NOX3: variants seen among roughly 807,000 people sequenced by gnomAD.
The protein encoded by NOX3 is NADPH oxidase catalytic subunit-like 3.
A neutral mutation model predicts 76.7 loss-of-function variants in NOX3; 74 were observed. The observed-to-expected ratio is 0.96, with a 90% CI of 0.80 to 1.17. NOX3 has a LOEUF of 1.17. Among genes scored for constraint, NOX3 ranks in the 50% most tolerant of loss-of-function variants. The pLI is 0.00. For synonymous variants in NOX3, 263 were observed against 261.1 expected (o/e 1.01, Z -0.07); for missense variants, 695 against 703.3 (o/e 0.99, Z 0.13).
At chr6:155,429,103 C>T (rs1776798846) in intron 8 of NOX3, 56 bp from the exon 9 acceptor site, 2 of 1,437,884 alleles carry the variant, frequency 1.4e-6, no homozygotes, top group South Asian at 1.7e-5. Flanking sequence ...AAAGAAACAC[C>T]TTTCATTCCA....
At chr6:155,455,153 C>T in intron 1 of NOX3, 24 bp from the exon 2 acceptor site, 3 of 1,463,726 alleles carry the variant, frequency 2.0e-6, no homozygotes, top group Non-Finnish European at 2.9e-6. Context: ...GAAAGAGAAC[C>T]AATGATTACT....
chr6:155,432,525 T>C (rs1026446541), intron 7 of NOX3, among the ~76,000 whole-genome samples: 1 of 152,200 alleles, frequency 6.6e-6, no homozygotes. Context: ...GTCTCTTCTG[T>C]TGATGGGTCA....
At chr6:155,405,506 CT>C (rs1416431058) in intron 12 of NOX3, among the ~76,000 whole-genome samples, 1 of 152,178 alleles carries the variant, frequency 6.6e-6, no homozygotes, top group African/African-American at 2.4e-5. Flanking sequence ...AAATTCTCCC[CT>C]GAACGTTTGC....
chr6:155,413,764 GTTGGCA>G (rs1243492307), intron 10 of NOX3, among the ~76,000 whole-genome samples: 1 of 152,050 alleles, frequency 6.6e-6, no homozygotes, highest in African/African-American at 2.4e-5. Context: ...TCATCTCAGA[GTTGGCA>G]TTGGGCATAG....
intron 5 of NOX3, among the ~76,000 whole-genome samples, chr6:155,440,387 G>A (rs6932514): frequency 0.13 from 20,293 of 151,326 alleles, 1,592 homozygotes; most frequent in African/African-American, 0.2. Context: ...CTAAAATTTC[G>A]TAAAATACCA....
At chr6:155,450,964 T>G (rs1777131672) in intron 4 of NOX3, among the ~76,000 whole-genome samples, 1 of 152,130 alleles carries the variant, frequency 6.6e-6, no homozygotes, top group African/African-American at 2.4e-5. Flanking sequence ...GACAATAATC[T>G]GCACATCTCA....
intron 12 of NOX3, among the ~76,000 whole-genome samples, chr6:155,405,275 T>C (rs918577096): frequency 6.6e-6 from 1 of 152,026 alleles, no homozygotes; most frequent in Non-Finnish European, 1.5e-5. Flanking sequence ...ACAGAGAAAG[T>C]GGATGGAAAG....
rs75934606 is a variant in NOX3, at chr6:155,399,474, C to T, written c.1581-2512G>A. Among the ~76,000 whole-genome samples, 45 of 152,254 alleles carry T rather than the reference C, an allele frequency of 3.0e-4. 1 individual carries two copies. The East Asian group carries it at 7.7e-3, about 26-fold the overall frequency. On this transcript the variant is annotated intron_variant, in intron 12 of 13. Transcript: ENST00000159060. Reference sequence around the variant, plus strand: ...CCACACTTTACTCAGGGGCCATATCCGCCGTGGTGATGCAATCACCAAAAA... The same window carrying T: ...CCACACTTTACTCAGGGGCCATATCTGCCGTGGTGATGCAATCACCAAAAA...
rs143759007 is a variant in NOX3 at position 155,431,755 on chromosome 6, A to G, written c.799-820T>C. 1.3e-3 allele frequency among the ~76,000 whole-genome samples: 204 copies of G among 152,314 alleles called. 2 individuals carry two copies. The East Asian group carries it at 0.023, about 17-fold the overall frequency. On this transcript the variant is annotated intron_variant, in intron 7 of 13. Transcript: ENST00000159060. Reference sequence around the variant, plus strand: ...CTGAACAATCCCATGAGGCATATGTATTACCTTGATTTTACAGAGGAAGGA... The same window carrying G: ...CTGAACAATCCCATGAGGCATATGTGTTACCTTGATTTTACAGAGGAAGGA...
intron 7 of NOX3, among the ~76,000 whole-genome samples, chr6:155,432,094 A>G (rs1399913408): frequency 6.6e-6 from 1 of 152,108 alleles, no homozygotes; most frequent in Admixed American, 6.5e-5. Context: ...ACAAATAATA[A>G]TTGTATATAT....
At chr6:155,431,423 C>CACACAG (rs1275453018) in intron 7 of NOX3, among the ~76,000 whole-genome samples, 2 of 151,346 alleles carry the variant, frequency 1.3e-5, no homozygotes, top group Non-Finnish European at 2.9e-5. Context: ...AACACACACA[C>CACACAG]ACACACACAC....
At chr6:155,446,923 G>A (rs1777071943) in intron 4 of NOX3, among the ~76,000 whole-genome samples, 1 of 152,034 alleles carries the variant, frequency 6.6e-6, no homozygotes, top group South Asian at 2.1e-4. Context: ...ACTGAGCTTC[G>A]GACCAAGTTA....
chr6:155,445,256 C>T (rs547010521), intron 4 of NOX3, among the ~76,000 whole-genome samples: 1 of 152,306 alleles, frequency 6.6e-6, no homozygotes, highest in Admixed American at 6.5e-5. Flanking sequence ...CAGTTGATAT[C>T]TTCTTTTCTT....
At chr6:155,436,113 A>G (rs981236872) in intron 7 of NOX3, among the ~76,000 whole-genome samples, 1 of 152,152 alleles carries the variant, frequency 6.6e-6, no homozygotes, top group African/African-American at 2.4e-5. Context: ...AGGGAGCACA[A>G]AGAAGGGTGG....
chr6:155,430,903 C>T lies in NOX3; in HGVS notation c.831G>A (p.Leu277=), dbSNP rs1199647341. Residue 277 remains leucine (L), a synonymous_variant, in exon 8 of 14, where the codon TTG becomes TTA. Coordinates refer to ENST00000159060, the MANE Select transcript of NOX3 (RefSeq NM_015718.3). Reference sequence around the variant, plus strand: ...ACCTAATTATTCTTTCACATGCATACAAGACCACAGGGCCTAAAATCCATT... The same window carrying T: ...ACCTAATTATTCTTTCACATGCATATAAGACCACAGGGCCTAAAATCCATT... ...AWKWILGPVV[L]YACERIIRFW... 1.2e-6 allele frequency: 2 copies of T among 1,613,238 alleles called. No homozygotes were observed. The highest frequency in any genetic ancestry group is 1.1e-5 in the South Asian group (1 of 91,038).
In NOX3 at chr6:155,454,938, A is replaced by C; in HGVS notation, c.145-17T>G. On this transcript the variant is annotated splice_polypyrimidine_tract_variant and intron_variant, in intron 2 of 13. Coordinates refer to ENST00000159060, the MANE Select transcript of NOX3 (RefSeq NM_015718.3). ...CAGTGTTGACTGTCCACATGTAAAG[A>C]CATAAAAAAGAGATTCAGGGAAAAC... 6.3e-7 allele frequency: 1 copy of C among 1,598,670 alleles called. No homozygotes were observed. Among genetic ancestry groups the C allele is most frequent in the Non-Finnish European group, 8.6e-7 (1 of 1,168,618 alleles).
intron 8 of NOX3, 49 bp from the exon 9 acceptor site, chr6:155,429,096 GA>G (rs1776798746): frequency 6.9e-7 from 1 of 1,448,606 alleles, no homozygotes; most frequent in African/African-American, 1.4e-5. Flanking sequence ...AAATAATAAA[GA>G]AACACCTTTC....
chr6:155,422,652 C>G lies in NOX3; in HGVS notation c.1308+42G>C, dbSNP rs556477996. 5 of 1,595,994 alleles carry G rather than the reference C, an allele frequency of 3.1e-6. No homozygotes were observed. The East Asian group carries it at 9.0e-5, about 29-fold the overall frequency. On this transcript the variant is annotated intron_variant, in intron 10 of 13. Transcript: ENST00000159060. Reference sequence around the variant, plus strand: ...AGATGATAGATATAAGGACATTGAACCTTTTAATCCATGGAAGGGTGAACT... The same window carrying G: ...AGATGATAGATATAAGGACATTGAAGCTTTTAATCCATGGAAGGGTGAACT...
chr6:155,428,015 C>T (rs1776779546), intron 9 of NOX3, among the ~76,000 whole-genome samples: 2 of 152,196 alleles, frequency 1.3e-5, no homozygotes, highest in Admixed American at 1.3e-4. Flanking sequence ...ATTCTCCTGC[C>T]TCAGCCACCC....
Sources: gnomAD v4.1 joint callset for allele counts (sites outside exome capture counted in the v4.1 genomes callset) on GRCh38, gnomAD v4.1.1 for gene constraint, MANE v1.5 for transcripts, NCBI Gene and HGNC (gene_info 2026-07-23, HGNC 2026-07-21) for gene names.